PAPOLG: variants seen among roughly 807,000 people sequenced by gnomAD.
PAPOLG encodes poly(A) polymerase gamma.
Under a neutral mutation model 99.0 loss-of-function variants are expected in PAPOLG, and 40 were observed. That is an observed-to-expected ratio of 0.40 (90% CI 0.31 to 0.53). PAPOLG has a LOEUF of 0.53. Among genes scored for constraint, PAPOLG ranks in the 20% least tolerant of loss-of-function variants. PAPOLG has a pLI of 0.41. For missense variants in PAPOLG, 675 were observed against 884.1 expected, an observed-to-expected ratio of 0.76 and a Z score of 3.00; for synonymous variants, 310 against 299.3, an observed-to-expected ratio of 1.04 and a Z score of -0.37.
chr2:60,759,089 C>G (rs1449350811), intron 1 of PAPOLG, among the ~76,000 whole-genome samples: 2 of 152,210 alleles, frequency 1.3e-5, no homozygotes, highest in Non-Finnish European at 2.9e-5. Context: ...CTTGAATTGG[C>G]TGAGCGCGGG....
Position 60,793,694 on chromosome 2 carries a change from T to C in PAPOLG, c.1747T>C (p.Ser583Pro). ...GAGTGTACCACCAGCCCAAGGACTT[T>C]CCATTCCAGTGATTGGCGCAAGTAG... The part of the protein sequence containing the change: ...PLSVPPAQGL[S>P]IPVIGAKVDS... The change falls in exon 18 of 22, where the codon TCC becomes CCC. Residue 583 changes from serine to proline, a missense_variant. Coordinates refer to ENST00000238714, the MANE Select transcript of PAPOLG (RefSeq NM_022894.4). 1 of 1,613,302 alleles carries C rather than the reference T, an allele frequency of 6.2e-7. No homozygotes were observed. Among genetic ancestry groups the C allele is most frequent in the Non-Finnish European group, 8.5e-7 (1 of 1,179,478 alleles).
chr2:60,793,154 A>C (rs1006308556), intron 17 of PAPOLG, among the ~76,000 whole-genome samples: 3 of 141,900 alleles, frequency 2.1e-5, no homozygotes, highest in Admixed American at 7.4e-5. Context: ...GCAGTGATCC[A>C]TGTGTTCATG....
chr2:60,786,173 G>T (rs1204116252), intron 13 of PAPOLG, among the ~76,000 whole-genome samples: 1 of 152,020 alleles, frequency 6.6e-6, no homozygotes, highest in Non-Finnish European at 1.5e-5. Context: ...AAAATCAATT[G>T]TGTTTACAAT....
chr2:60,781,248 T>G (rs1193354275), intron 10 of PAPOLG, among the ~76,000 whole-genome samples: 2 of 152,092 alleles, frequency 1.3e-5, no homozygotes, highest in Non-Finnish European at 2.9e-5. Flanking sequence ...TTCCAGCTAC[T>G]CTGGAGGCTG....
chr2:60,773,176 C>G (rs1216901887), intron 7 of PAPOLG, among the ~76,000 whole-genome samples: 2 of 152,198 alleles, frequency 1.3e-5, no homozygotes, highest in African/African-American at 4.8e-5. Context: ...ATGCCAACCT[C>G]AGCCTCCCAA....
chr2:60,779,500 T>TCCAA, intron 8 of PAPOLG, 137 bp from the exon 9 acceptor site: 1 of 996,858 alleles, frequency 1.0e-6, no homozygotes, highest in South Asian at 2.0e-5. Flanking sequence ...GGGGAAAATT[T>TCCAA]CCAACCAACC....
At chr2:60,788,750 C>T (rs1203973126) in intron 15 of PAPOLG, among the ~76,000 whole-genome samples, 1 of 152,152 alleles carries the variant, frequency 6.6e-6, no homozygotes, top group African/African-American at 2.4e-5. Context: ...AATCCTAATA[C>T]TTTGGGAGAC....
intron 8 of PAPOLG, among the ~76,000 whole-genome samples, chr2:60,777,229 G>A (rs1671046956): frequency 6.6e-6 from 1 of 152,174 alleles, no homozygotes; most frequent in African/African-American, 2.4e-5. Flanking sequence ...GCCGAGGCGA[G>A]CGGATCATGA....
At chr2:60,791,554 A>T in intron 15 of PAPOLG, 1 of 429,614 alleles carries the variant, frequency 2.3e-6, no homozygotes, top group Non-Finnish European at 3.9e-6. Flanking sequence ...CTCCATCTCA[A>T]AAAAAGAAAA....
In PAPOLG at chr2:60,768,479, C is replaced by G; in HGVS notation, c.256C>G (p.Pro86Ala). The G allele has an allele frequency of 6.2e-7, 1 of 1,613,926 alleles. No homozygotes were observed. The highest frequency in any genetic ancestry group is 8.5e-7 in the Non-Finnish European group (1 of 1,179,886). ...CTTAATTTTATTTTAGAACCTCCCA[C>G]CTTCTGTTGTGGCTACTGTTGGTGG... is the stretch of plus-strand genomic sequence containing the variant. The part of the protein sequence containing the change: ...SDVSESKNLP[P>A]SVVATVGGKI... The change falls in exon 4 of 22, where the codon CCT becomes GCT. Residue 86 changes from proline to alanine, a missense_variant. Pro to Ala is a conservative substitution (Grantham distance 27). This residue lies in a region of PAPOLG where 149 missense variants were observed against 192.1 expected (regional missense o/e 0.78). Coordinates refer to ENST00000238714, the MANE Select transcript of PAPOLG (RefSeq NM_022894.4).
intron 3 of PAPOLG, among the ~76,000 whole-genome samples, chr2:60,764,836 C>T (rs189014120): frequency 6.6e-6 from 1 of 152,262 alleles, no homozygotes; most frequent in African/African-American, 2.4e-5. Flanking sequence ...CTCCTAAAGA[C>T]TACAGTCGTT....
At position 60,783,500 on chromosome 2, in the gene PAPOLG, C is replaced by CTTTTTTTTTTTTT. The variant is rs761205449; in HGVS notation, c.1166+307_1166+319dup. Among the ~76,000 whole-genome samples, 42 of 45,362 alleles carry CTTTTTTTTTTTTT rather than the reference C, an allele frequency of 9.3e-4. 7 individuals are homozygous for CTTTTTTTTTTTTT. The highest frequency in any genetic ancestry group is 1.4e-3 in the Non-Finnish European group (31 of 22,470). The allele number at this position is 45,362 out of a possible 152,430, so 29.8% of individuals were successfully genotyped here. ...ACAGGCCTGAGCCACTTTACCCGGC[C>CTTTTTTTTTTTTT]TTTTTTTTTTTTTTTTTTTTTTTTT... On this transcript the variant is annotated intron_variant, in intron 13 of 21. Transcript: ENST00000238714.
At position 60,799,557 on chromosome 2, in the gene PAPOLG, G is replaced by A. The variant is rs1671801395; in HGVS notation, c.*2397G>A. The stretch of plus-strand genomic sequence containing the variant: ...CTAGTTCCAAGTAAAAAAGGAGAAA[G>A]TATGATCTGGGATTTTGTGTTATGA... On this transcript the variant is annotated 3_prime_UTR_variant, in exon 22 of 22. Transcript: ENST00000238714. 6.6e-6 allele frequency: 1 copy of A among 152,332 alleles called. No individual in the cohort carries two copies. Among genetic ancestry groups the A allele is most frequent in the South Asian group, 2.1e-4 (1 of 4,836 alleles). The allele number at this position is 152,332 out of a possible 1,614,324, so 9.4% of individuals were successfully genotyped here. A position where few individuals can be genotyped will look rare whatever the true frequency, so the allele number is the denominator to read the frequency against.
At chr2:60,796,280 C>T (rs895702923) in intron 21 of PAPOLG, among the ~76,000 whole-genome samples, 8 of 135,564 alleles carry the variant, frequency 5.9e-5, no homozygotes, top group Non-Finnish European at 9.2e-5. Context: ...TGCAATGGCG[C>T]GATCTTTTTG....
chr2:60,796,951 T>TTC (rs1671726735), intron 21 of PAPOLG, 111 bp from the exon 22 acceptor site: 13 of 1,377,022 alleles, frequency 9.4e-6, no homozygotes, highest in Non-Finnish European at 1.2e-5. Context: ...GTTTAGGAGC[T>TTC]AGAGGGTTTG....
intron 15 of PAPOLG, among the ~76,000 whole-genome samples, chr2:60,789,192 G>C (rs531403808): frequency 4.3e-4 from 66 of 152,076 alleles, no homozygotes; most frequent in Non-Finnish European, 8.1e-4. Context: ...TGGGGGGAGC[G>C]GGGAGGGATA....
intron 3 of PAPOLG, among the ~76,000 whole-genome samples, chr2:60,766,751 A>G (rs1670689200): frequency 6.6e-6 from 1 of 152,036 alleles, no homozygotes; most frequent in Non-Finnish European, 1.5e-5. Context: ...GGCAGGAACA[A>G]TGGCAAATGC....
At chr2:60,793,510 G>C (rs946618866) in intron 17 of PAPOLG, 117 bp from the exon 18 acceptor site, 1 of 1,183,482 alleles carries the variant, frequency 8.4e-7, no homozygotes, top group South Asian at 1.5e-5. Flanking sequence ...GCTGCAGTGA[G>C]CTGTGATTGT....
At chr2:60,771,340 C>G (rs1031991080) in intron 6 of PAPOLG, 179 bp from the exon 7 acceptor site, 1 of 272,558 alleles carries the variant, frequency 3.7e-6, no homozygotes, top group African/African-American at 2.3e-5. Flanking sequence ...AGTTTAATTA[C>G]CTTAACACAA....
Sources: allele counts gnomAD v4.1 joint callset (sites outside exome capture counted in the v4.1 genomes callset), GRCh38; gene constraint gnomAD v4.1.1; regional missense constraint gnomAD v4.1.1; transcripts MANE v1.5; gene names NCBI Gene and HGNC (gene_info 2026-07-23, HGNC 2026-07-21).